The following NCAPG2 variants were observed in gnomAD, a reference collection of about 807,000 sequenced individuals.
NCAPG2 encodes condensin-2 complex subunit G2.
NCAPG2 carries 53 observed loss-of-function variants against 141.1 expected under a neutral mutation model. The ratio of observed to expected loss-of-function variants is 0.38; its 90% CI spans 0.30 to 0.47. The LOEUF is 0.47. Among genes scored for constraint, NCAPG2 ranks in the 20% least tolerant of loss-of-function variants. The pLI, the probability that NCAPG2 is intolerant of heterozygous loss-of-function variation, is 0.99. For missense variants in NCAPG2, 1,087 were observed against 1,389.0 expected (o/e 0.78, Z 3.46); for synonymous variants, 499 against 490.7 (o/e 1.02, Z -0.22).
intron 16 of NCAPG2, among the ~76,000 whole-genome samples, chr7:158,659,150 T>C (rs1832269440): frequency 2.0e-5 from 3 of 150,718 alleles, no homozygotes; most frequent in South Asian, 4.2e-4. Flanking sequence ...ATCAACATGG[T>C]GAAACCCTGT....
At chr7:158,639,520 C>T (rs1032793568) in intron 27 of NCAPG2, among the ~76,000 whole-genome samples, 2 of 152,108 alleles carry the variant, frequency 1.3e-5, no homozygotes, top group African/African-American at 4.8e-5. Flanking sequence ...TAAACAAAAA[C>T]CACAAGCCAT....
chr7:158,696,862 T>C (rs1260217221), intron 2 of NCAPG2, among the ~76,000 whole-genome samples: 2 of 152,184 alleles, frequency 1.3e-5, no homozygotes, highest in South Asian at 2.1e-4. Flanking sequence ...TGATCAAATA[T>C]AGTCAGGCAA....
chr7:158,682,357 A>G (rs945481769), intron 9 of NCAPG2, among the ~76,000 whole-genome samples: 3 of 151,120 alleles, frequency 2.0e-5, no homozygotes, highest in Admixed American at 6.6e-5. Context: ...GGGGGTGGGT[A>G]GGACAGGGAG....
At chr7:158,661,177 C>T (rs185754795) in intron 16 of NCAPG2, among the ~76,000 whole-genome samples, 11 of 152,266 alleles carry the variant, frequency 7.2e-5, no homozygotes, top group Admixed American at 2.6e-4. Flanking sequence ...GAATGAAGCT[C>T]AGGGCCTTGA....
intron 27 of NCAPG2, among the ~76,000 whole-genome samples, chr7:158,634,705 C>T (rs1830079230): frequency 6.6e-6 from 1 of 152,174 alleles, no homozygotes; most frequent in African/African-American, 2.4e-5. Flanking sequence ...ATGGGAAGGG[C>T]AGTCTGGGTT....
chr7:158,661,129 G>A (rs962988956), intron 16 of NCAPG2, among the ~76,000 whole-genome samples: 1 of 152,108 alleles, frequency 6.6e-6, no homozygotes, highest in African/African-American at 2.4e-5. Flanking sequence ...CTGCTTTCAC[G>A]TCAGAGGCAG....
intron 13 of NCAPG2, among the ~76,000 whole-genome samples, chr7:158,671,003 C>T (rs1833646128): frequency 6.8e-6 from 1 of 146,940 alleles, no homozygotes; most frequent in African/African-American, 2.5e-5. Context: ...TGAAAGAGAA[C>T]AATCACTTCA....
chr7:158,695,652 A>G (rs1265405010), intron 2 of NCAPG2, among the ~76,000 whole-genome samples: 1 of 152,252 alleles, frequency 6.6e-6, no homozygotes, highest in Non-Finnish European at 1.5e-5. Flanking sequence ...TCAAATATCA[A>G]AATGTTCTAC....
chr7:158,686,259 A>G lies in NCAPG2; in HGVS notation c.768-18T>C, dbSNP rs1391332761. On this transcript the variant is annotated intron_variant, in intron 7 of 27. Transcript: ENST00000356309. Reference sequence around the variant, plus strand: ...TCAAAGACCTATATAAAAAGATCAAAATAGTTTTAATGCAAATTTTAAGAA... The same window carrying G: ...TCAAAGACCTATATAAAAAGATCAAGATAGTTTTAATGCAAATTTTAAGAA... 5 of 1,365,190 alleles carry G rather than the reference A, an allele frequency of 3.7e-6. No individual in the cohort carries two copies. Among genetic ancestry groups the G allele is most frequent in the African/African-American group, 1.5e-5 (1 of 67,024 alleles). 84.6% of individuals were successfully genotyped at this position (1,365,190 alleles called of 1,614,324 possible).
chr7:158,648,525 C>G (rs1225957157), intron 24 of NCAPG2, among the ~76,000 whole-genome samples: 1 of 146,908 alleles, frequency 6.8e-6, no homozygotes, highest in Non-Finnish European at 1.5e-5. Flanking sequence ...ACTATAACCA[C>G]GCCAAATGGA....
At chr7:158,677,532 A>AAAAAAAAAAAAAAAAAAAC in intron 11 of NCAPG2, among the ~76,000 whole-genome samples, 4 of 44,514 alleles carry the variant, frequency 9.0e-5, no homozygotes, top group African/African-American at 1.6e-4. Flanking sequence ...AAGCAAAAAA[A>AAAAAAAAAAAAAAAAAAAC]AAAAAAAAAA....
At chr7:158,658,516 G>T in intron 16 of NCAPG2, 108 bp from the exon 17 acceptor site, 2 of 961,390 alleles carry the variant, frequency 2.1e-6, no homozygotes, top group Non-Finnish European at 2.9e-6. Flanking sequence ...TGCTCAAGAA[G>T]AACCATGGCA....
Position 158,646,528 on chromosome 7 carries a change from A to C in NCAPG2, c.3111T>G (p.His1037Gln). The C allele has an allele frequency of 6.3e-7, 1 of 1,584,882 alleles. No individual in the cohort carries two copies. The highest frequency in any genetic ancestry group is 8.5e-7 in the Non-Finnish European group (1 of 1,172,300). Residue 1037 changes from histidine to glutamine, a missense_variant, in exon 25 of 28, where the codon CAT becomes CAG. Coordinates refer to ENST00000356309, the MANE Select transcript of NCAPG2 (RefSeq NM_017760.7). ...SDVEELTPPEHLSDLPPFSRC... is the reference protein window; with the variant it reads ...SDVEELTPPEQLSDLPPFSRC... ...TTGAAAATGGTGGAAGATCAGAAAGATGCTCTGGAGGGGTAAGCTCTTCTA... is the reference window on the plus strand; with the variant it reads ...TTGAAAATGGTGGAAGATCAGAAAGCTGCTCTGGAGGGGTAAGCTCTTCTA...
chr7:158,666,064 G>A (rs746634096), intron 13 of NCAPG2, among the ~76,000 whole-genome samples: 1 of 152,188 alleles, frequency 6.6e-6, no homozygotes, highest in African/African-American at 2.4e-5. Flanking sequence ...AAGGTTCCCA[G>A]CTCTCACCTA....
At chr7:158,648,584 ACGC>A (rs1831218267) in intron 24 of NCAPG2, among the ~76,000 whole-genome samples, 1 of 118,806 alleles carries the variant, frequency 8.4e-6, no homozygotes, top group African/African-American at 3.1e-5. Flanking sequence ...GACGACAACC[ACGC>A]CAAATGGACG....
At chr7:158,637,519 A>C in intron 27 of NCAPG2, among the ~76,000 whole-genome samples, 1 of 152,218 alleles carries the variant, frequency 6.6e-6, no homozygotes, top group Non-Finnish European at 1.5e-5. Flanking sequence ...CCCCCACCCC[A>C]TCCGAGCCAC....
In NCAPG2 at chr7:158,704,074, T is replaced by A. The variant is rs56109790; in HGVS notation, c.-40+650A>T. On this transcript the variant is annotated intron_variant, in intron 1 of 27. Transcript: ENST00000356309. The stretch of plus-strand genomic sequence containing the variant: ...TGAGGGCAGTGCCCATGCTCAGGAC[T>A]GAGGGGGTCGCTCTCTGAGGGTAGT... 4.1e-3 allele frequency among the ~76,000 whole-genome samples: 534 copies of A among 131,056 alleles called. 2 individuals carry two copies. The East Asian group carries it at 0.1, about 25-fold the overall frequency. 86.0% of individuals were successfully genotyped at this position (131,056 alleles called of 152,430 possible). A position where few individuals can be genotyped will look rare whatever the true frequency, so the allele number is the denominator to read the frequency against.
At chr7:158,644,784 A>T (rs2129457350) in intron 26 of NCAPG2, among the ~76,000 whole-genome samples, 1 of 152,294 alleles carries the variant, frequency 6.6e-6, no homozygotes, top group East Asian at 1.9e-4. Context: ...AATGCAGGGG[A>T]GTCCCTGAGG....
intron 13 of NCAPG2, among the ~76,000 whole-genome samples, chr7:158,667,408 CTTACCCACTACTGGGTCCCTCCGCCCT>C (rs1833124227): frequency 3.5e-5 from 4 of 112,774 alleles, no homozygotes; most frequent in Admixed American, 1.7e-4. Context: ...CTCCGCCCTC[CTTACCCACTACTGGGTCCCTCCGCCCT>C]CCTTACCCAC....
Sources: allele counts gnomAD v4.1 joint callset (sites outside exome capture counted in the v4.1 genomes callset), GRCh38; gene constraint gnomAD v4.1.1; transcripts MANE v1.5; gene names NCBI Gene and HGNC (gene_info 2026-07-23, HGNC 2026-07-21).